The following TENM3 variants were observed in gnomAD, a reference collection of about 807,000 sequenced individuals.
TENM3 encodes the protein teneurin transmembrane protein 3, also known as teneurin-3.
Under a neutral mutation model 255.1 loss-of-function variants are expected in TENM3, and 63 were observed. The observed-to-expected ratio is 0.25, with a 90% confidence interval of 0.20 to 0.30. The LOEUF (loss-of-function observed/expected upper bound fraction) is 0.30. TENM3 is among the 10% of genes least tolerant of loss of function. The probability of loss-of-function intolerance (pLI) is 1.00; values close to 1 mark genes in which losing one functional copy is unlikely to be tolerated. For synonymous variants in TENM3, 1,306 were observed against 1,322.3 expected, an observed-to-expected ratio of 0.99 and a Z score of 0.27; for missense variants, 2,929 against 3,461.1, an observed-to-expected ratio of 0.85 and a Z score of 3.86.
At chr4:182,658,486 A>G (rs1344063399) in intron 6 of TENM3, among the ~76,000 whole-genome samples, 2 of 152,196 alleles carry the variant, frequency 1.3e-5, no homozygotes, top group African/African-American at 2.4e-5. Flanking sequence ...TCTCAACTAC[A>G]TATTTTGTAG....
At chr4:181,714,173 T>C in the TENM3 span, among the ~76,000 whole-genome samples, 2 of 152,184 alleles carry the variant, frequency 1.3e-5, no homozygotes, top group Non-Finnish European at 2.9e-5. Context: ...CGGTGGCTCA[T>C]GCCTATAATC....
intron 3 of TENM3, among the ~76,000 whole-genome samples, chr4:182,591,671 A>T (rs1746664616): frequency 6.6e-6 from 1 of 152,224 alleles, no homozygotes; most frequent in Non-Finnish European, 1.5e-5. Flanking sequence ...TTTAAATGGA[A>T]AACTCACTTT....
At chr4:181,616,352 T>C in the TENM3 span, among the ~76,000 whole-genome samples, 1 of 134,094 alleles carries the variant, frequency 7.5e-6, no homozygotes, top group Admixed American at 7.6e-5. Context: ...CACACACGTA[T>C]GCATATATAT....
At chr4:182,137,167 C>A in the TENM3 span, among the ~76,000 whole-genome samples, 1 of 152,182 alleles carries the variant, frequency 6.6e-6, no homozygotes, top group Non-Finnish European at 1.5e-5. Flanking sequence ...TCAAACTGCA[C>A]CAAATTGCTC....
the TENM3 span, among the ~76,000 whole-genome samples, chr4:181,992,059 T>A: frequency 1.3e-5 from 2 of 152,138 alleles, no homozygotes; most frequent in Non-Finnish European, 2.9e-5. Context: ...ACCGTGTGTG[T>A]TCATCACTTT....
At chr4:182,063,686 A>T in the TENM3 span, among the ~76,000 whole-genome samples, 1 of 152,242 alleles carries the variant, frequency 6.6e-6, no homozygotes, top group Non-Finnish European at 1.5e-5. Flanking sequence ...AACTATTGTG[A>T]GCAAGATATT....
At chr4:182,548,083 G>A (rs1336582812) in intron 3 of TENM3, among the ~76,000 whole-genome samples, 2 of 151,992 alleles carry the variant, frequency 1.3e-5, no homozygotes, top group Non-Finnish European at 2.9e-5. Context: ...AATTAGCCAC[G>A]CATGGTAGTG....
intron 1 of TENM3, among the ~76,000 whole-genome samples, chr4:182,304,391 T>C (rs1762017745): frequency 6.6e-6 from 1 of 152,056 alleles, no homozygotes; most frequent in African/African-American, 2.4e-5. Context: ...TTTTTGTATT[T>C]TTAGTAGAGA....
chr4:182,495,015 C>T (rs17073436), intron 3 of TENM3, among the ~76,000 whole-genome samples: 1,926 of 152,254 alleles, frequency 0.013, 38 homozygotes, highest in African/African-American at 0.045. Flanking sequence ...ATGCTCAGCA[C>T]TTTTTCATAG....
At chr4:181,735,688 C>T in the TENM3 span, among the ~76,000 whole-genome samples, 3 of 152,060 alleles carry the variant, frequency 2.0e-5, no homozygotes, top group African/African-American at 7.2e-5. Flanking sequence ...AGATTTTACA[C>T]AGCACTAACC....
the TENM3 span, among the ~76,000 whole-genome samples, chr4:181,945,886 TAC>T: frequency 6.6e-6 from 1 of 152,068 alleles, no homozygotes; most frequent in African/African-American, 2.4e-5. Flanking sequence ...CACGTGCACA[TAC>T]ACACACACCC....
chr4:182,256,090 G>A (rs372091369), intron 1 of TENM3, among the ~76,000 whole-genome samples: 74 of 152,268 alleles, frequency 4.9e-4, no homozygotes, highest in African/African-American at 1.5e-3. Flanking sequence ...TTGGATGTAC[G>A]TATAGGTTCC....
At chr4:182,773,692 G>C in intron 23 of TENM3, 45 bp downstream of exon 23, 1 of 1,558,020 alleles carries the variant, frequency 6.4e-7, no homozygotes, top group Non-Finnish European at 8.7e-7. Flanking sequence ...CCAGCACCCA[G>C]ACAGAATGCG....
At chr4:181,820,003 CATTAA>C in the TENM3 span, 1 of 151,686 alleles carries the variant, frequency 6.6e-6, no homozygotes, top group African/African-American at 2.4e-5. Flanking sequence ...AAAAAAAATC[CATTAA>C]TGAATGCAAC....
At chr4:181,928,113 G>A in the TENM3 span, among the ~76,000 whole-genome samples, 1 of 152,192 alleles carries the variant, frequency 6.6e-6, no homozygotes, top group South Asian at 2.1e-4. Flanking sequence ...AAACCAGAAT[G>A]CCTCTTCTCC....
At chr4:182,051,379 T>TC in the TENM3 span, among the ~76,000 whole-genome samples, 4 of 7,418 alleles carry the variant, frequency 5.4e-4, no homozygotes, top group African/African-American at 1.0e-3. Context: ...TTTTCCTCTC[T>TC]TTTTTTTTTT....
At chr4:181,699,584 A>G in the TENM3 span, among the ~76,000 whole-genome samples, 1 of 152,204 alleles carries the variant, frequency 6.6e-6, no homozygotes. Flanking sequence ...TACATACAAA[A>G]TATAATTTCC....
At chr4:181,910,472 A>T in the TENM3 span, among the ~76,000 whole-genome samples, 1 of 151,194 alleles carries the variant, frequency 6.6e-6, no homozygotes, top group Admixed American at 6.6e-5. Context: ...TGGGAGGTGG[A>T]GGTTGCAATG....
intron 3 of TENM3, among the ~76,000 whole-genome samples, chr4:182,444,045 G>A (rs1400694524): frequency 6.6e-6 from 1 of 151,938 alleles, no homozygotes. Flanking sequence ...TTTTCCATAG[G>A]GTAAATCAAA....
Sources: allele counts gnomAD v4.1 joint callset (sites outside exome capture counted in the v4.1 genomes callset), GRCh38; gene constraint gnomAD v4.1.1; transcripts MANE v1.5; gene names NCBI Gene and HGNC (gene_info 2026-07-23, HGNC 2026-07-21).